The following GPM6B variants were observed in gnomAD, a reference collection of about 807,000 sequenced individuals.
The protein encoded by GPM6B is glycoprotein M6B.
A neutral mutation model predicts 27.2 loss-of-function variants in GPM6B; 4 were observed. The ratio of observed to expected loss-of-function variants is 0.15; its 90% CI spans 0.07 to 0.34. GPM6B has a LOEUF of 0.34. GPM6B is among the 10% of genes least tolerant of loss of function. The probability of loss-of-function intolerance (pLI) is 1.00; values close to 1 mark genes in which losing one functional copy is unlikely to be tolerated. For missense variants in GPM6B, 183 were observed against 261.9 expected (o/e 0.70, Z 2.08); for synonymous variants, 124 against 103.1 (o/e 1.20, Z -1.23).
chrX:13,786,338 T>C (rs1473974507), intron 2 of GPM6B, among the ~76,000 whole-genome samples: 1 of 112,148 alleles, frequency 8.9e-6, no homozygotes, highest in Non-Finnish European at 1.9e-5. Context: ...TGGGAGAATC[T>C]GATACAGCAA....
chrX:13,827,523 T>C (rs2049390533), intron 1 of GPM6B, among the ~76,000 whole-genome samples: 1 of 111,333 alleles, frequency 9.0e-6, no homozygotes, highest in Non-Finnish European at 1.9e-5. Flanking sequence ...GGCAGTTCCC[T>C]GCACTGAAAG....
chrX:13,798,258 T>C (rs141068013), intron 2 of GPM6B, among the ~76,000 whole-genome samples: 1,102 of 110,193 alleles, frequency 0.01, 14 homozygotes, highest in African/African-American at 0.035. Flanking sequence ...CACATTAACC[T>C]GGGTGATGGG....
intron 1 of GPM6B, among the ~76,000 whole-genome samples, chrX:13,828,474 C>T (rs771398168): frequency 9.0e-6 from 1 of 111,321 alleles, no homozygotes; most frequent in Admixed American, 9.5e-5. Flanking sequence ...TCTCAGCCTC[C>T]GTAACTGTAA....
chrX:13,784,092 A>G (rs1274551087), intron 3 of GPM6B, among the ~76,000 whole-genome samples: 1 of 112,834 alleles, frequency 8.9e-6, no homozygotes, highest in Admixed American at 9.3e-5. Flanking sequence ...TAAGATACAG[A>G]AAGTTAATTC....
intron 2 of GPM6B, among the ~76,000 whole-genome samples, chrX:13,795,747 T>C (rs188420706): frequency 0.012 from 1,180 of 102,087 alleles, 23 homozygotes; most frequent in African/African-American, 0.04. Flanking sequence ...CTTTTCTTTT[T>C]TTTTTTTTTT....
chrX:13,876,712 C>T (rs1468991159), intron 1 of GPM6B, among the ~76,000 whole-genome samples: 3 of 109,430 alleles, frequency 2.7e-5, no homozygotes, highest in Non-Finnish European at 5.7e-5. Context: ...GCTCAAGTCA[C>T]AGCACATCTG....
intron 1 of GPM6B, among the ~76,000 whole-genome samples, chrX:13,837,315 T>TAGTC (rs1489335424): frequency 8.9e-6 from 1 of 111,855 alleles, no homozygotes; most frequent in Non-Finnish European, 1.9e-5. Flanking sequence ...TCCCCTTTCC[T>TAGTC]AGTCCCCTGT....
chrX:13,786,932 C>G (rs1156941581), intron 2 of GPM6B, among the ~76,000 whole-genome samples: 1 of 105,676 alleles, frequency 9.5e-6, no homozygotes, highest in Non-Finnish European at 1.9e-5. Flanking sequence ...TTATATTATC[C>G]AGACCCTTAA....
chrX:13,902,100 T>C (rs1383974972), intron 1 of GPM6B, among the ~76,000 whole-genome samples: 1 of 111,337 alleles, frequency 9.0e-6, no homozygotes, highest in African/African-American at 3.3e-5. Context: ...GGAGTATAAG[T>C]GTGTGGTTTT....
chrX:13,804,952 T>C (rs770438904), intron 2 of GPM6B, among the ~76,000 whole-genome samples: 3 of 111,466 alleles, frequency 2.7e-5, no homozygotes, highest in South Asian at 7.7e-4. Context: ...GGCGATGGCA[T>C]GGCTAGAGTG....
At chrX:13,899,288 G>GT (rs1183339353) in intron 1 of GPM6B, among the ~76,000 whole-genome samples, 1 of 106,568 alleles carries the variant, frequency 9.4e-6, no homozygotes, top group Non-Finnish European at 1.9e-5. Context: ...GTGGGCGCCT[G>GT]TAATCCCAGC....
At chrX:13,871,123 A>AAAT (rs2049974361) in intron 1 of GPM6B, among the ~76,000 whole-genome samples, 1 of 110,158 alleles carries the variant, frequency 9.1e-6, no homozygotes, top group African/African-American at 3.3e-5. Flanking sequence ...ACAAAAAAAA[A>AAAT]AGAAGTTAGA....
intron 1 of GPM6B, among the ~76,000 whole-genome samples, chrX:13,911,856 T>G (rs2050381328): frequency 8.9e-6 from 1 of 112,218 alleles, no homozygotes; most frequent in African/African-American, 3.2e-5. Flanking sequence ...TCAATAAAAA[T>G]ATTTCCCAAA....
At chrX:13,898,439 T>C (rs1209215618) in intron 1 of GPM6B, among the ~76,000 whole-genome samples, 1 of 112,471 alleles carries the variant, frequency 8.9e-6, no homozygotes, top group East Asian at 2.8e-4. Flanking sequence ...GCTCAAAGTA[T>C]GGTTCTGGGA....
chrX:13,910,394 T>C (rs2050368457), intron 1 of GPM6B, among the ~76,000 whole-genome samples: 1 of 112,775 alleles, frequency 8.9e-6, no homozygotes, highest in Non-Finnish European at 1.9e-5. Flanking sequence ...ACTGGGCGAA[T>C]GCACATTTCC....
intron 3 of GPM6B, chrX:13,783,958 G>A (rs1166720137): frequency 1.0e-5 from 3 of 297,292 alleles, no homozygotes; most frequent in Middle Eastern, 5.3e-4. Flanking sequence ...ACCAGGCCTA[G>A]TGGTTAATGT....
intron 1 of GPM6B, among the ~76,000 whole-genome samples, chrX:13,868,913 A>G (rs1396779746): frequency 4.5e-5 from 5 of 112,027 alleles, no homozygotes; most frequent in Admixed American, 9.5e-5. Flanking sequence ...AATCATGTAT[A>G]TAAGTACACA....
chrX:13,895,765 A>G (rs1477613233), intron 1 of GPM6B, among the ~76,000 whole-genome samples: 1 of 110,976 alleles, frequency 9.0e-6, no homozygotes. Flanking sequence ...CCATATCTTG[A>G]GATCTAGGTG....
At chrX:13,798,711 C>A (rs1480783540) in intron 2 of GPM6B, among the ~76,000 whole-genome samples, 3 of 112,726 alleles carry the variant, frequency 2.7e-5, no homozygotes, top group Admixed American at 1.9e-4. Flanking sequence ...CCATGGACTT[C>A]TACTGCTTCA....
Sources: gnomAD v4.1 joint callset for allele counts (sites outside exome capture counted in the v4.1 genomes callset) on GRCh38, gnomAD v4.1.1 for gene constraint, MANE v1.5 for transcripts, NCBI Gene and HGNC (gene_info 2026-07-23, HGNC 2026-07-21) for gene names.